RUNDC3B: variants seen among roughly 807,000 people sequenced by gnomAD.
The protein encoded by RUNDC3B is RUN domain containing 3B.
Under a neutral mutation model 58.4 loss-of-function variants are expected in RUNDC3B, and 33 were observed. The observed-to-expected ratio is 0.56, with a 90% CI of 0.43 to 0.75. RUNDC3B has a LOEUF of 0.75. RUNDC3B is among the 30% of genes least tolerant of loss of function. The pLI is 0.00. For synonymous variants in RUNDC3B, 193 were observed against 195.2 expected (o/e 0.99, Z 0.10); for missense variants, 501 against 535.7 (o/e 0.94, Z 0.64).
intron 7 of RUNDC3B, among the ~76,000 whole-genome samples, chr7:87,776,814 C>T (rs1834662789): frequency 6.6e-6 from 1 of 151,820 alleles, no homozygotes; most frequent in Non-Finnish European, 1.5e-5. Context: ...CTACTCTTAA[C>T]ATGTATCATA....
chr7:87,777,476 A>G (rs1320761701), intron 7 of RUNDC3B, among the ~76,000 whole-genome samples: 2 of 152,228 alleles, frequency 1.3e-5, no homozygotes, highest in Non-Finnish European at 2.9e-5. Flanking sequence ...CAACTTTCTA[A>G]TTGGTCATTC....
intron 2 of RUNDC3B, among the ~76,000 whole-genome samples, chr7:87,694,499 T>G (rs1029751280): frequency 2.0e-5 from 3 of 152,228 alleles, no homozygotes; most frequent in Admixed American, 2.0e-4. Flanking sequence ...ATAGTCATTA[T>G]TTTTAAATAG....
At chr7:87,810,581 T>C (rs1584260529) in intron 9 of RUNDC3B, among the ~76,000 whole-genome samples, 1 of 152,284 alleles carries the variant, frequency 6.6e-6, no homozygotes, top group Middle Eastern at 3.4e-3. Flanking sequence ...TTTAATGAAT[T>C]TCTTAGTCTT....
At chr7:87,820,271 T>A (rs1419062137) in intron 10 of RUNDC3B, among the ~76,000 whole-genome samples, 3 of 152,074 alleles carry the variant, frequency 2.0e-5, no homozygotes, top group Admixed American at 6.5e-5. Context: ...TCTACACAAA[T>A]AAACTAGAAA....
chr7:87,819,397 G>C (rs926720188), intron 10 of RUNDC3B, among the ~76,000 whole-genome samples: 1 of 152,026 alleles, frequency 6.6e-6, no homozygotes, highest in Non-Finnish European at 1.5e-5. Flanking sequence ...CAAGTCCTTA[G>C]TGACCTACAA....
intron 6 of RUNDC3B, among the ~76,000 whole-genome samples, chr7:87,747,386 G>A (rs1832708555): frequency 6.6e-6 from 1 of 152,188 alleles, no homozygotes; most frequent in Non-Finnish European, 1.5e-5. Flanking sequence ...TAGCAGGGGG[G>A]TGAGGGGTTG....
chr7:87,756,117 G>A (rs1162833353), intron 6 of RUNDC3B, among the ~76,000 whole-genome samples: 1 of 152,050 alleles, frequency 6.6e-6, no homozygotes, highest in Non-Finnish European at 1.5e-5. Context: ...TTAAACACCT[G>A]AGATGTATTT....
chr7:87,722,523 G>A (rs980301531), intron 4 of RUNDC3B, among the ~76,000 whole-genome samples: 10 of 152,272 alleles, frequency 6.6e-5, no homozygotes, highest in Middle Eastern at 3.4e-3. Context: ...CAAAACATGT[G>A]AGATCACTTA....
chr7:87,730,419 AG>A (rs1448786236), intron 4 of RUNDC3B, among the ~76,000 whole-genome samples: 2 of 151,982 alleles, frequency 1.3e-5, no homozygotes, highest in Non-Finnish European at 2.9e-5. Context: ...GGCAGTAACC[AG>A]GCAGTAATTG....
intron 6 of RUNDC3B, among the ~76,000 whole-genome samples, chr7:87,745,364 A>G (rs899250761): frequency 2.0e-5 from 3 of 152,080 alleles, no homozygotes; most frequent in African/African-American, 4.8e-5. Flanking sequence ...TTCTTTCTCT[A>G]TCTTATGGAA....
At chr7:87,631,210 T>C (rs1387214925) in intron 1 of RUNDC3B, among the ~76,000 whole-genome samples, 1 of 152,250 alleles carries the variant, frequency 6.6e-6, no homozygotes, top group Non-Finnish European at 1.5e-5. Flanking sequence ...AGGCTTTGTC[T>C]GAATGACTTT....
At chr7:87,818,546 C>T (rs1172246182) in intron 10 of RUNDC3B, among the ~76,000 whole-genome samples, 1 of 152,136 alleles carries the variant, frequency 6.6e-6, no homozygotes, top group Non-Finnish European at 1.5e-5. Flanking sequence ...TTTGAATCAG[C>T]ATATCCTATA....
chr7:87,794,162 C>T (rs1185983723), intron 8 of RUNDC3B, among the ~76,000 whole-genome samples: 4 of 152,156 alleles, frequency 2.6e-5, no homozygotes, highest in East Asian at 1.9e-4. Flanking sequence ...ACAGGCCAGA[C>T]GCAGTGGCTC....
intron 2 of RUNDC3B, among the ~76,000 whole-genome samples, chr7:87,689,558 TATTA>T (rs1411791379): frequency 2.0e-5 from 3 of 152,184 alleles, no homozygotes; most frequent in Non-Finnish European, 2.9e-5. Flanking sequence ...ATTAGCTAAT[TATTA>T]ATTAGCTAAT....
intron 6 of RUNDC3B, among the ~76,000 whole-genome samples, chr7:87,748,376 A>C (rs151221151): frequency 6.6e-6 from 1 of 152,208 alleles, no homozygotes; most frequent in East Asian, 1.9e-4. Flanking sequence ...ACTCCTTCAG[A>C]GGGTCTGTGG....
At chr7:87,822,789 C>G (rs1321203075) in intron 10 of RUNDC3B, among the ~76,000 whole-genome samples, 4 of 151,920 alleles carry the variant, frequency 2.6e-5, no homozygotes, top group South Asian at 2.1e-4. Flanking sequence ...ATCGCAAGGA[C>G]AAAAAACCAA....
chr7:87,659,137 G>A, intron 2 of RUNDC3B: 1 of 369,134 alleles, frequency 2.7e-6, no homozygotes. Context: ...AATCTAGCCT[G>A]GGCAATAGAA....
At chr7:87,742,623 T>TAA (rs1563178190) in intron 6 of RUNDC3B, among the ~76,000 whole-genome samples, 4 of 139,300 alleles carry the variant, frequency 2.9e-5, no homozygotes, top group Non-Finnish European at 6.4e-5. Context: ...TAGATAGATA[T>TAA]CATGGTTTTT....
intron 6 of RUNDC3B, among the ~76,000 whole-genome samples, chr7:87,759,871 C>A (rs910764511): frequency 1.3e-5 from 2 of 151,650 alleles, no homozygotes; most frequent in Non-Finnish European, 2.9e-5. Flanking sequence ...ATGCCTGTAT[C>A]AAAACATCAT....
Sources: allele counts gnomAD v4.1 joint callset (sites outside exome capture counted in the v4.1 genomes callset), GRCh38; gene constraint gnomAD v4.1.1; transcripts MANE v1.5; gene names NCBI Gene and HGNC (gene_info 2026-07-23, HGNC 2026-07-21).